Variants in PLEKHB2 observed in about 807,000 individuals in gnomAD.
The protein encoded by PLEKHB2 is pleckstrin homology domain containing B2.
In PLEKHB2, 31 loss-of-function variants were observed where a neutral mutation model predicts 36.5. The observed-to-expected ratio is 0.85, with a 90% CI of 0.64 to 1.15. The LOEUF is 1.15. Among genes scored for constraint, PLEKHB2 ranks in the 50% most tolerant of loss-of-function variants. The probability of loss-of-function intolerance (pLI) is 0.00; values close to 1 mark genes in which losing one functional copy is unlikely to be tolerated. For missense variants in PLEKHB2, 262 were observed against 295.3 expected (o/e 0.89, Z 0.83); for synonymous variants, 119 against 112.0 (o/e 1.06, Z -0.39).
intron 1 of PLEKHB2, among the ~76,000 whole-genome samples, chr2:131,114,738 T>G (rs1046269868): frequency 1.3e-5 from 2 of 152,142 alleles, no homozygotes; most frequent in Non-Finnish European, 2.9e-5. Context: ...TCCCAACTAG[T>G]TCCTCATCTC....
intron 6 of PLEKHB2, among the ~76,000 whole-genome samples, 197 bp downstream of exon 6, chr2:131,133,188 AT>A (rs1217703973): frequency 1.3e-5 from 2 of 152,264 alleles, no homozygotes; most frequent in East Asian, 3.8e-4. Flanking sequence ...AATGTGCTGT[AT>A]TAATGTGTAA....
chr2:131,107,568 G>C (rs558842870), intron 1 of PLEKHB2: 16 of 152,342 alleles, frequency 1.1e-4, no homozygotes, highest in Admixed American at 9.8e-4. Context: ...AAGAGAGCTG[G>C]AGAACTGGGA....
At position 131,141,368 on chromosome 2, in the gene PLEKHB2, G is replaced by A. The variant is rs561055559; in HGVS notation, c.532+1093G>A. ...AAATGATAATAAGTAGTCCGGGCAC[G>A]GTGGCTCACGCCTGTAATCCCAGCA... is the stretch of plus-strand genomic sequence containing the variant. On this transcript the variant is annotated intron_variant, in intron 7 of 7. Transcript: ENST00000693505. Among the ~76,000 whole-genome samples, 55 of 152,126 alleles carry A rather than the reference G, an allele frequency of 3.6e-4. 2 individuals are homozygous for A. In the South Asian group the frequency reaches 0.011, roughly 32 times the overall value.
intron 6 of PLEKHB2, among the ~76,000 whole-genome samples, chr2:131,136,159 T>TCCCCCCTCCCTCCCTC (rs1698226640): frequency 6.8e-6 from 1 of 146,202 alleles, no homozygotes; most frequent in Non-Finnish European, 1.5e-5. Context: ...TCTTCCTGCC[T>TCCCCCCTCCCTCCCTC]CCTCCCTCCC....
At chr2:131,138,851 T>C (rs1698512921) in intron 6 of PLEKHB2, among the ~76,000 whole-genome samples, 1 of 152,164 alleles carries the variant, frequency 6.6e-6, no homozygotes, top group Admixed American at 6.5e-5. Context: ...GCTCCCCACA[T>C]GGTCTTCATG....
intron 6 of PLEKHB2, 44 bp from the exon 7 acceptor site, chr2:131,140,123 A>G (rs772303060): frequency 2.6e-6 from 3 of 1,161,878 alleles, no homozygotes; most frequent in South Asian, 2.6e-5. Context: ...ATACATTACC[A>G]GAGGTTTCAC....
At position 131,125,735 on chromosome 2, in the gene PLEKHB2, A is replaced by G. The variant is rs1353141196; in HGVS notation, c.38-18A>G. 1.3e-6 allele frequency: 2 copies of G among 1,576,312 alleles called. No homozygotes were observed. Among genetic ancestry groups the G allele is most frequent in the Non-Finnish European group, 1.7e-6 (2 of 1,164,696 alleles). ...TCTCTAAAAAAAAAAAAACAACCGT[A>G]CTATTTTTTTTTTCCAGGTACTATT... On this transcript the variant is annotated intron_variant, in intron 2 of 7. Coordinates refer to ENST00000693505, the MANE Select transcript of PLEKHB2 (RefSeq NM_001100623.2).
intron 1 of PLEKHB2, among the ~76,000 whole-genome samples, chr2:131,117,782 C>T (rs1156846593): frequency 6.6e-6 from 1 of 152,102 alleles, no homozygotes; most frequent in African/African-American, 2.4e-5. Flanking sequence ...CTACAACATT[C>T]CTTCCTTTTT....
intron 2 of PLEKHB2, among the ~76,000 whole-genome samples, chr2:131,121,213 G>A (rs565840280): frequency 6.6e-6 from 1 of 152,234 alleles, no homozygotes; most frequent in African/African-American, 2.4e-5. Context: ...TGCTGCTTTC[G>A]CTCTCCTCAC....
chr2:131,128,996 G>T (rs928861082), intron 4 of PLEKHB2, among the ~76,000 whole-genome samples: 1 of 144,956 alleles, frequency 6.9e-6, no homozygotes, highest in African/African-American at 2.5e-5. Context: ...AAATCAGTTG[G>T]GGAATTTTGC....
intron 7 of PLEKHB2, chr2:131,144,519 C>T: frequency 1.7e-6 from 1 of 578,926 alleles, no homozygotes. Flanking sequence ...TTATAGTTTT[C>T]TTAATTCCCT....
rs111584817 is a variant in PLEKHB2, at chr2:131,111,035, C to T, written c.-9+5637C>T. ...AATTTTTTTTTTTGAGACGGAGTCT[C>T]GCTGTGATGCCCAGGCTGGAATGCA... On this transcript the variant is annotated intron_variant, in intron 1 of 7. Transcript: ENST00000693505. 1.3e-3 allele frequency among the ~76,000 whole-genome samples: 202 copies of T among 152,030 alleles called. 1 individual carries two copies. Among genetic ancestry groups the T allele is most frequent in the African/African-American group, 4.5e-3 (187 of 41,466 alleles).
In PLEKHB2 at chr2:131,120,784, G is replaced by A. The variant is rs554036337; in HGVS notation, c.-8-150G>A. ...GGGGCACATGAACCCCAATGAGGAGGTGTTTGTTAAATGCCAGGGGGGCAC... is the reference window on the plus strand; with the variant it reads ...GGGGCACATGAACCCCAATGAGGAGATGTTTGTTAAATGCCAGGGGGGCAC... On this transcript the variant is annotated intron_variant, in intron 1 of 7. Transcript: ENST00000693505. The A allele has an allele frequency of 5.7e-5, 42 of 741,768 alleles. No homozygotes were observed. In the East Asian group the frequency reaches 1.1e-3, roughly 19 times the overall value. The allele number at this position is 741,768 out of a possible 1,614,324, so 45.9% of individuals were successfully genotyped here. A position where few individuals can be genotyped will look rare whatever the true frequency, so the allele number is the denominator to read the frequency against.
At chr2:131,138,626 G>C (rs928265566) in intron 6 of PLEKHB2, among the ~76,000 whole-genome samples, 1 of 152,032 alleles carries the variant, frequency 6.6e-6, no homozygotes, top group African/African-American at 2.4e-5. Context: ...TGCAGAGGGG[G>C]TTGTGAATTT....
intron 1 of PLEKHB2, among the ~76,000 whole-genome samples, chr2:131,115,341 CTTTTTTTTTTT>C (rs1179533654): frequency 0.023 from 1,498 of 64,538 alleles, 33 homozygotes; most frequent in African/African-American, 0.08. Flanking sequence ...GAAAGTATGT[CTTTTTTTTTTT>C]TTTTTTTTTT....
At position 131,147,785 on chromosome 2, in the gene PLEKHB2, G is replaced by A. The variant is rs866629799; in HGVS notation, c.*1012G>A. 7 of 144,506 alleles carry A rather than the reference G, an allele frequency of 4.8e-5. No individual in the cohort carries two copies. The highest frequency in any genetic ancestry group is 2.2e-4 in the South Asian group (1 of 4,454). 9.0% of individuals were successfully genotyped at this position (144,506 alleles called of 1,614,324 possible). ...TGCACTTCAGCCTGGGTGACAGAGT[G>A]AGACTCTGTCTCAAAAAAAAAAAAA... On this transcript the variant is annotated 3_prime_UTR_variant, in exon 8 of 8. Coordinates refer to ENST00000693505, the MANE Select transcript of PLEKHB2 (RefSeq NM_001100623.2).
chr2:131,121,317 C>T (rs926314881), intron 2 of PLEKHB2, among the ~76,000 whole-genome samples: 15 of 152,126 alleles, frequency 9.9e-5, no homozygotes, highest in South Asian at 4.1e-4. Flanking sequence ...GGCGCGATCT[C>T]GGCTCACCGC....
At chr2:131,138,504 ATG>A (rs1698485557) in intron 6 of PLEKHB2, among the ~76,000 whole-genome samples, 1 of 152,090 alleles carries the variant, frequency 6.6e-6, no homozygotes, top group African/African-American at 2.4e-5. Flanking sequence ...TTTAAATCTC[ATG>A]TTTTAGCAGA....
intron 1 of PLEKHB2, among the ~76,000 whole-genome samples, chr2:131,109,335 A>G (rs1469019631): frequency 6.6e-6 from 1 of 152,214 alleles, no homozygotes; most frequent in Non-Finnish European, 1.5e-5. Context: ...ATAGTTGAAG[A>G]TAATTCAGGT....
Sources: gnomAD v4.1 joint callset for allele counts (sites outside exome capture counted in the v4.1 genomes callset) on GRCh38, gnomAD v4.1.1 for gene constraint, MANE v1.5 for transcripts, NCBI Gene and HGNC (gene_info 2026-07-23, HGNC 2026-07-21) for gene names.